IMPG1: variants seen among roughly 807,000 people sequenced by gnomAD.
IMPG1 encodes interphotoreceptor matrix proteoglycan of 150 kDa.
Under a neutral mutation model 92.0 loss-of-function variants are expected in IMPG1, and 85 were observed. The observed-to-expected ratio is 0.92, with a 90% CI of 0.78 to 1.11. IMPG1 has a LOEUF of 1.11. Ranked by LOEUF, IMPG1 falls within the 50% of genes least tolerant of loss-of-function variation. The pLI is 0.00. For synonymous variants in IMPG1, 367 were observed against 334.1 expected (o/e 1.10, Z -1.08); for missense variants, 1,022 against 956.0 (o/e 1.07, Z -0.91).
At chr6:76,050,440 CA>C (rs200898796) in intron 1 of IMPG1, among the ~76,000 whole-genome samples, 3,365 of 149,250 alleles carry the variant, frequency 0.023, 109 homozygotes, top group African/African-American at 0.075. Flanking sequence ...GAGACTCCTT[CA>C]AAAAAAAAAT....
chr6:76,042,265 C>T (rs543706867), intron 1 of IMPG1, 139 bp from the exon 2 acceptor site: 13 of 615,892 alleles, frequency 2.1e-5, no homozygotes, highest in African/African-American at 1.7e-4. Flanking sequence ...AACTGCTAAA[C>T]GTAATATTCC....
At chr6:76,042,181 G>T in intron 1 of IMPG1, 55 bp from the exon 2 acceptor site, 1 of 890,424 alleles carries the variant, frequency 1.1e-6, no homozygotes. Flanking sequence ...TGTTATATGT[G>T]ACATATATGG....
chr6:75,921,757 G>C lies in IMPG1; in HGVS notation c.*332C>G, dbSNP rs1781434155. 4.2e-6 allele frequency: 1 copy of C among 238,374 alleles called. No homozygotes were observed. 14.8% of individuals were successfully genotyped at this position (238,374 alleles called of 1,614,324 possible). On this transcript the variant is annotated 3_prime_UTR_variant, in exon 17 of 17. Transcript: ENST00000369950. The stretch of plus-strand genomic sequence containing the variant: ...AGTCCCTAAACAATAAGTAAGCTAT[G>C]CTTGTTGCAAATGATCTGTGAGTAA...
intron 14 of IMPG1, among the ~76,000 whole-genome samples, chr6:75,935,562 T>C (rs567574205): frequency 2.6e-4 from 40 of 152,290 alleles, no homozygotes; most frequent in African/African-American, 9.6e-4. Flanking sequence ...CTTCCCCACT[T>C]ACCACCAAGG....
intron 2 of IMPG1, among the ~76,000 whole-genome samples, chr6:76,035,587 G>A (rs2149488420): frequency 6.6e-6 from 1 of 151,770 alleles, no homozygotes; most frequent in East Asian, 1.9e-4. Context: ...TCTCCAAACT[G>A]GAGTGCAGGT....
At chr6:75,992,700 A>T (rs1782832158) in intron 12 of IMPG1, among the ~76,000 whole-genome samples, 1 of 152,062 alleles carries the variant, frequency 6.6e-6, no homozygotes, top group Non-Finnish European at 1.5e-5. Flanking sequence ...CCTTTTTCTG[A>T]CTTTTAAGGC....
In IMPG1 at chr6:75,969,053, T is replaced by C. The variant is rs537335464; in HGVS notation, c.1292-17959A>G. On this transcript the variant is annotated intron_variant, in intron 12 of 16. Coordinates refer to ENST00000369950, the MANE Select transcript of IMPG1 (RefSeq NM_001563.4). ...ACCTGTTCAGTGAATAAGCCAGGCA[T>C]AGAAAGACAAATACTGCATGATCTC... Among the ~76,000 whole-genome samples the C allele has an allele frequency of 2.6e-5, 4 of 152,248 alleles. No homozygotes were observed. The East Asian group carries it at 7.7e-4, about 29-fold the overall frequency.
At chr6:75,988,999 G>A (rs900339730) in intron 12 of IMPG1, among the ~76,000 whole-genome samples, 3 of 152,124 alleles carry the variant, frequency 2.0e-5, no homozygotes, top group Admixed American at 6.5e-5. Context: ...CCCTTTTAGC[G>A]ATTTCAGTTT....
At chr6:75,936,348 T>C (rs1781745089) in intron 14 of IMPG1, among the ~76,000 whole-genome samples, 1 of 152,246 alleles carries the variant, frequency 6.6e-6, no homozygotes, top group East Asian at 1.9e-4. Context: ...CAAAGAAATC[T>C]TAAAATATAT....
In IMPG1 at chr6:75,930,505, G is replaced by T. The variant is rs539829708; in HGVS notation, c.2243+448C>A. ...AACAGGATTTTTATCTTTTTTTCTC[G>T]TAATTTTCTATATTTCCCAGCTTTC... On this transcript the variant is annotated intron_variant, in intron 15 of 16. Transcript: ENST00000369950. 3.9e-5 allele frequency among the ~76,000 whole-genome samples: 6 copies of T among 152,052 alleles called. No individual in the cohort carries two copies. In the South Asian group the frequency reaches 1.2e-3, roughly 32 times the overall value.
At chr6:75,950,343 T>C (rs1782001814) in intron 13 of IMPG1, among the ~76,000 whole-genome samples, 1 of 152,184 alleles carries the variant, frequency 6.6e-6, no homozygotes, top group Non-Finnish European at 1.5e-5. Flanking sequence ...TCTTACAGAT[T>C]GGGTGGCGGT....
intron 12 of IMPG1, among the ~76,000 whole-genome samples, chr6:75,971,842 GATT>G (rs1206477054): frequency 2.0e-5 from 3 of 152,114 alleles, no homozygotes; most frequent in Non-Finnish European, 4.4e-5. Context: ...GAATGTAATT[GATT>G]ATTTCCTTGT....
chr6:76,072,362 C>T (rs2127600092), intron 1 of IMPG1, 60 bp downstream of exon 1: 2 of 909,886 alleles, frequency 2.2e-6, no homozygotes, highest in Non-Finnish European at 3.5e-6. Flanking sequence ...TCTAAATATT[C>T]ACTTCTATCG....
intron 13 of IMPG1, 30 bp from the exon 14 acceptor site, chr6:75,947,563 C>A (rs767081146): frequency 6.5e-5 from 100 of 1,531,580 alleles, no homozygotes; most frequent in Non-Finnish European, 8.8e-5. Context: ...TTCCTCTTAA[C>A]TGTGTTCTAA....
chr6:76,038,226 G>C (rs1263327089), intron 2 of IMPG1, among the ~76,000 whole-genome samples: 1 of 152,090 alleles, frequency 6.6e-6, no homozygotes, highest in African/African-American at 2.4e-5. Context: ...TCCTTTCCCT[G>C]ATGTTCTTTC....
chr6:75,974,815 C>T (rs938194293), intron 12 of IMPG1, among the ~76,000 whole-genome samples: 15 of 151,952 alleles, frequency 9.9e-5, no homozygotes, highest in Non-Finnish European at 1.0e-4. Context: ...CACACCTGGC[C>T]GGGATTTTCT....
At chr6:75,951,202 G>T in intron 12 of IMPG1, 108 bp from the exon 13 acceptor site, 1 of 790,666 alleles carries the variant, frequency 1.3e-6, no homozygotes, top group South Asian at 1.8e-5. Context: ...CATAGCATTT[G>T]CGTAGATCAT....
Position 76,004,039 on chromosome 6 carries a change from GA to G in IMPG1, c.1136-90del. The stretch of plus-strand genomic sequence containing the variant: ...AAAACAGTCCAGGTTGAAATATGCG[GA>G]ATAACCAATCCTTAAGGAGTAGTAC... On this transcript the variant is annotated intron_variant, in intron 10 of 16. Transcript: ENST00000369950. The G allele has an allele frequency of 4.5e-6, 4 of 881,310 alleles. No individual in the cohort carries two copies. In the South Asian group the frequency reaches 6.1e-5, roughly 13 times the overall value. The allele number at this position is 881,310 out of a possible 1,614,324, so 54.6% of individuals were successfully genotyped here.
At chr6:75,969,269 T>C (rs1241596715) in intron 12 of IMPG1, among the ~76,000 whole-genome samples, 1 of 152,126 alleles carries the variant, frequency 6.6e-6, no homozygotes, top group African/African-American at 2.4e-5. Context: ...TAGCAACGTA[T>C]TGTATTTTAA....
Sources: allele counts gnomAD v4.1 joint callset (sites outside exome capture counted in the v4.1 genomes callset), GRCh38; gene constraint gnomAD v4.1.1; transcripts MANE v1.5; gene names NCBI Gene and HGNC (gene_info 2026-07-23, HGNC 2026-07-21).